The following DCAF5 variants were observed in gnomAD, a reference collection of about 807,000 sequenced individuals.
The protein encoded by DCAF5 is DDB1 and CUL4 associated factor 5.
DCAF5 carries 9 observed loss-of-function variants against 80.7 expected under a neutral mutation model. The observed-to-expected ratio is 0.11, with a 90% CI of 0.07 to 0.19. The LOEUF (loss-of-function observed/expected upper bound fraction) is 0.19. Ranked by LOEUF, DCAF5 falls within the 10% of genes least tolerant of loss-of-function variation. The pLI, the probability that DCAF5 is intolerant of heterozygous loss-of-function variation, is 1.00. For synonymous variants in DCAF5, 433 were observed against 461.9 expected (o/e 0.94, Z 0.80); for missense variants, 842 against 1,205.7 (o/e 0.70, Z 4.47).
chr14:69,111,807 T>C (rs1041765644), intron 5 of DCAF5, among the ~76,000 whole-genome samples: 2 of 152,140 alleles, frequency 1.3e-5, no homozygotes, highest in Non-Finnish European at 2.9e-5. Flanking sequence ...AATGTACACT[T>C]GTAAGTGTGA....
rs888075871 is a variant in DCAF5, at chr14:69,050,891, A to G, written c.*2966T>C. 1 of 152,664 alleles carries G rather than the reference A, an allele frequency of 6.6e-6. No homozygotes were observed. Among genetic ancestry groups the G allele is most frequent in the Non-Finnish European group, 1.5e-5 (1 of 68,040 alleles). The allele number at this position is 152,664 out of a possible 1,614,324, so 9.5% of individuals were successfully genotyped here. On this transcript the variant is annotated 3_prime_UTR_variant, in exon 9 of 9. Coordinates refer to ENST00000341516, the MANE Select transcript of DCAF5 (RefSeq NM_003861.3). Reference sequence around the variant, plus strand: ...TAAAGGAGAGGTGTCTAAGCAACCAAGTCTTCCCTGGAAGAGAAGAGGAAG... The same window carrying G: ...TAAAGGAGAGGTGTCTAAGCAACCAGGTCTTCCCTGGAAGAGAAGAGGAAG...
chr14:69,128,710 G>A (rs10143769), intron 1 of DCAF5, among the ~76,000 whole-genome samples: 57,452 of 151,936 alleles, frequency 0.38, 12,072 homozygotes, highest in East Asian at 0.91. Flanking sequence ...GGAGGTTGCA[G>A]TGAGCAGAGA....
intron 5 of DCAF5, among the ~76,000 whole-genome samples, chr14:69,110,925 A>C (rs1440191916): frequency 6.7e-6 from 1 of 149,986 alleles, no homozygotes; most frequent in African/African-American, 2.4e-5. Context: ...GCTGTGTAAA[A>C]GTTCTTAATT....
chr14:69,061,154 A>C (rs1418969093), intron 8 of DCAF5, among the ~76,000 whole-genome samples: 6 of 151,790 alleles, frequency 4.0e-5, no homozygotes, highest in African/African-American at 1.5e-4. Context: ...ACAGGTATAC[A>C]CTAATTTTTA....
intron 5 of DCAF5, among the ~76,000 whole-genome samples, chr14:69,110,957 A>AT (rs1348744543): frequency 1.3e-5 from 2 of 150,038 alleles, no homozygotes; most frequent in Admixed American, 1.3e-4. Flanking sequence ...CAATGTGTCA[A>AT]TTTTTTCTTT....
intron 6 of DCAF5, among the ~76,000 whole-genome samples, chr14:69,075,847 T>C (rs757553319): frequency 2.0e-5 from 3 of 152,088 alleles, no homozygotes; most frequent in Non-Finnish European, 4.4e-5. Flanking sequence ...ACAAGATAAA[T>C]GGGCATATAT....
intron 8 of DCAF5, among the ~76,000 whole-genome samples, chr14:69,059,659 CCTT>C (rs1001031720): frequency 5.9e-5 from 9 of 152,218 alleles, no homozygotes; most frequent in Admixed American, 2.0e-4. Context: ...TCATCCTTCT[CCTT>C]ACCACCTGCC....
chr14:69,108,114 T>C (rs1595012061), intron 5 of DCAF5, among the ~76,000 whole-genome samples: 1 of 152,184 alleles, frequency 6.6e-6, no homozygotes, highest in South Asian at 2.1e-4. Context: ...ATGTGCAACA[T>C]GAATGCCACA....
chr14:69,133,041 T>C (rs1299740945), intron 1 of DCAF5, among the ~76,000 whole-genome samples: 1 of 151,710 alleles, frequency 6.6e-6, no homozygotes, highest in East Asian at 1.9e-4. Context: ...CTAATTATTA[T>C]GCTATTTGAA....
chr14:69,078,056 T>C lies in DCAF5; in HGVS notation c.880-2645A>G, dbSNP rs2038967045. Among the ~76,000 whole-genome samples, 3 of 152,078 alleles carry C rather than the reference T, an allele frequency of 2.0e-5. No homozygotes were observed. In the South Asian group the frequency reaches 6.2e-4, roughly 31 times the overall value. ...TGGAGGCTGGATTAGACCTGAAAAG[T>C]CCCTAAGCTGCCAGCCCAAGTGATT... On this transcript the variant is annotated intron_variant, in intron 6 of 8. Transcript: ENST00000341516.
chr14:69,146,561 G>A (rs1180149437), intron 1 of DCAF5, among the ~76,000 whole-genome samples: 1 of 151,974 alleles, frequency 6.6e-6, no homozygotes, highest in African/African-American at 2.4e-5. Context: ...ATTAAGTATA[G>A]CAAACCAGAG....
intron 5 of DCAF5, among the ~76,000 whole-genome samples, chr14:69,101,037 A>G (rs1566754484): frequency 6.6e-6 from 1 of 152,224 alleles, no homozygotes; most frequent in Non-Finnish European, 1.5e-5. Context: ...AAATAATCCT[A>G]TAAAATAGAC....
intron 6 of DCAF5, chr14:69,090,972 G>T: frequency 1.6e-6 from 1 of 644,510 alleles, no homozygotes; most frequent in South Asian, 1.7e-5. Context: ...TCGGCTTGGT[G>T]ACCCAGATTA....
intron 7 of DCAF5, among the ~76,000 whole-genome samples, chr14:69,068,403 G>T (rs2139872396): frequency 6.6e-6 from 1 of 152,202 alleles, no homozygotes; most frequent in South Asian, 2.1e-4. Flanking sequence ...GTAGAATTAA[G>T]AGTTTACTGC....
At chr14:69,113,494 T>C (rs766480480) in intron 5 of DCAF5, among the ~76,000 whole-genome samples, 12 of 151,972 alleles carry the variant, frequency 7.9e-5, no homozygotes, top group Non-Finnish European at 1.6e-4. Flanking sequence ...CCTGCAGTTA[T>C]AGGGGATTCA....
At chr14:69,136,682 T>G (rs912939124) in intron 1 of DCAF5, among the ~76,000 whole-genome samples, 2 of 152,212 alleles carry the variant, frequency 1.3e-5, no homozygotes, top group African/African-American at 4.8e-5. Context: ...AAAATCACCC[T>G]TGACAATATG....
intron 5 of DCAF5, among the ~76,000 whole-genome samples, chr14:69,093,722 C>T (rs2039605989): frequency 6.6e-6 from 1 of 152,190 alleles, no homozygotes; most frequent in Non-Finnish European, 1.5e-5. Flanking sequence ...GGAAGGAATG[C>T]TCTGGTAGTG....
intron 1 of DCAF5, among the ~76,000 whole-genome samples, chr14:69,150,959 C>A (rs889945728): frequency 2.6e-5 from 4 of 152,160 alleles, no homozygotes; most frequent in Non-Finnish European, 4.4e-5. Flanking sequence ...ATTCCGTTAA[C>A]ATGATTAGTT....
chr14:69,055,268 A>G lies in DCAF5; in HGVS notation c.1418T>C (p.Val473Ala), dbSNP rs1305028929. ...ASLPRSPPPT[V>A]DESADNAFHL... Reference sequence around the variant, plus strand: ...GAAGGCGTTGTCGGCAGACTCATCTACTGTGGGAGGCGGGGAGCGAGGCAA... The same window carrying G: ...GAAGGCGTTGTCGGCAGACTCATCTGCTGTGGGAGGCGGGGAGCGAGGCAA... Residue 473 changes from valine (V) to alanine (A), a missense_variant, in exon 9 of 9, where the codon GTA becomes GCA. Val to Ala is a moderately conservative substitution (Grantham distance 64). Transcript: ENST00000341516. This position sits in a 1 kb window ranked among gnomAD's most constrained non-coding sequence, Gnocchi z 5.6. The G allele has an allele frequency of 1.2e-6, 2 of 1,614,156 alleles. No homozygotes were observed. The highest frequency in any genetic ancestry group is 1.7e-6 in the Non-Finnish European group (2 of 1,180,024).
Sources: allele counts gnomAD v4.1 joint callset (sites outside exome capture counted in the v4.1 genomes callset), GRCh38; gene constraint gnomAD v4.1.1; non-coding constraint Gnocchi (gnomAD v3.1); transcripts MANE v1.5; gene names NCBI Gene and HGNC (gene_info 2026-07-23, HGNC 2026-07-21).